The following NOL10 variants were observed in gnomAD, a reference collection of about 807,000 sequenced individuals.
NOL10 encodes the protein H_NH0074G24.1.
In NOL10, 58 loss-of-function variants were observed where a neutral mutation model predicts 103.5. The ratio of observed to expected loss-of-function variants is 0.56; its 90% CI spans 0.45 to 0.70. The LOEUF (loss-of-function observed/expected upper bound fraction) is 0.70. NOL10 is among the 30% of genes least tolerant of loss of function. The probability of loss-of-function intolerance (pLI) is 0.00; values close to 1 mark genes in which losing one functional copy is unlikely to be tolerated. For missense variants in NOL10, 763 were observed against 807.3 expected, an observed-to-expected ratio of 0.95 and a Z score of 0.67; for synonymous variants, 287 against 282.5, an observed-to-expected ratio of 1.02 and a Z score of -0.16.
At chr2:10,638,340 A>AACGTAACGTAACGTAACGTG (rs1553306427) in intron 13 of NOL10, among the ~76,000 whole-genome samples, 3 of 131,280 alleles carry the variant, frequency 2.3e-5, no homozygotes, top group African/African-American at 1.2e-4. Flanking sequence ...GACGTAACGT[A>AACGTAACGTAACGTAACGTG]ACGTAACGTA....
At chr2:10,582,876 T>C (rs73165947) in intron 19 of NOL10, among the ~76,000 whole-genome samples, 2,199 of 152,348 alleles carry the variant, frequency 0.014, 66 homozygotes, top group African/African-American at 0.05. Flanking sequence ...GTTATTGGCT[T>C]TCATCCCTTT....
intron 13 of NOL10, among the ~76,000 whole-genome samples, chr2:10,619,405 T>C (rs1286999896): frequency 6.6e-6 from 1 of 152,190 alleles, no homozygotes; most frequent in Non-Finnish European, 1.5e-5. Flanking sequence ...CCTCCCACCT[T>C]GGCCTACCAA....
chr2:10,614,892 A>G (rs1019858974), intron 13 of NOL10, among the ~76,000 whole-genome samples: 1 of 152,250 alleles, frequency 6.6e-6, no homozygotes, highest in Non-Finnish European at 1.5e-5. Flanking sequence ...GATTTTGCCA[A>G]TTAAGAAAAC....
chr2:10,655,120 C>G (rs1174894006), intron 11 of NOL10, among the ~76,000 whole-genome samples: 1 of 151,394 alleles, frequency 6.6e-6, no homozygotes, highest in Non-Finnish European at 1.5e-5. Flanking sequence ...TGAGGCAAAA[C>G]TGCTTGAACC....
chr2:10,627,132 T>C (rs1467771105), intron 13 of NOL10, among the ~76,000 whole-genome samples: 1 of 152,222 alleles, frequency 6.6e-6, no homozygotes, highest in African/African-American at 2.4e-5. Flanking sequence ...CACAAACAAC[T>C]TGTTTGTCTT....
At chr2:10,677,617 C>T (rs543238820) in intron 3 of NOL10, among the ~76,000 whole-genome samples, 8 of 151,480 alleles carry the variant, frequency 5.3e-5, no homozygotes, top group Non-Finnish European at 1.0e-4. Context: ...GACCAAGAGG[C>T]GCCTGCCATC....
intron 13 of NOL10, among the ~76,000 whole-genome samples, chr2:10,610,126 A>G (rs1478370477): frequency 6.6e-6 from 1 of 152,210 alleles, no homozygotes; most frequent in Middle Eastern, 3.2e-3. Flanking sequence ...TGAAAGTTAG[A>G]TCTATCTTGA....
intron 18 of NOL10, 134 bp downstream of exon 18, chr2:10,589,444 T>C: frequency 8.1e-7 from 1 of 1,228,462 alleles, no homozygotes; most frequent in Admixed American, 2.8e-5. Flanking sequence ...AAGATAATAC[T>C]CCTAAGCCCA....
chr2:10,629,887 A>G (rs1168442138), intron 13 of NOL10, among the ~76,000 whole-genome samples: 1 of 152,232 alleles, frequency 6.6e-6, no homozygotes, highest in Admixed American at 6.5e-5. Flanking sequence ...TGCCATAATT[A>G]TTATTCTTTT....
At chr2:10,623,696 T>C (rs1677278244) in intron 13 of NOL10, among the ~76,000 whole-genome samples, 1 of 152,074 alleles carries the variant, frequency 6.6e-6, no homozygotes, top group Non-Finnish European at 1.5e-5. Flanking sequence ...GTATAATAAA[T>C]GACCCAGCCC....
At chr2:10,613,191 C>T (rs1204457430) in intron 13 of NOL10, among the ~76,000 whole-genome samples, 2 of 151,850 alleles carry the variant, frequency 1.3e-5, no homozygotes, top group Non-Finnish European at 2.9e-5. Context: ...TATTATGTTC[C>T]AAGTACAGTA....
chr2:10,570,979 G>C lies in NOL10; in HGVS notation c.*1092C>G, dbSNP rs924375629. The C allele has an allele frequency of 6.6e-6, 1 of 151,816 alleles. No individual in the cohort carries two copies. Among genetic ancestry groups the C allele is most frequent in the Admixed American group, 6.6e-5 (1 of 15,246 alleles). 9.4% of individuals were successfully genotyped at this position (151,816 alleles called of 1,614,324 possible). A position where few individuals can be genotyped will look rare whatever the true frequency, so the allele number is the denominator to read the frequency against. ...GTCTTTTAGACTTTGGTTTTTTTGTGTGTTTTGGAATATCTGTATTATATT... is the reference window on the plus strand; with the variant it reads ...GTCTTTTAGACTTTGGTTTTTTTGTCTGTTTTGGAATATCTGTATTATATT... On this transcript the variant is annotated 3_prime_UTR_variant, in exon 21 of 21. Transcript: ENST00000381685.
chr2:10,688,371 C>T (rs758720446), intron 1 of NOL10, among the ~76,000 whole-genome samples: 2 of 152,198 alleles, frequency 1.3e-5, no homozygotes, highest in Non-Finnish European at 1.5e-5. Flanking sequence ...CCACCCTGCT[C>T]TCGCCCCCTC....
Position 10,676,527 on chromosome 2 carries a change from A to G in NOL10, c.212-656T>C, listed in dbSNP as rs140326208. On this transcript the variant is annotated intron_variant, in intron 3 of 20. Coordinates refer to ENST00000381685, the MANE Select transcript of NOL10 (RefSeq NM_024894.4). ...GTAACCATTGACATGGAAAGCTGCC[A>G]AAACGTACTATAAAGTAAAAGTACA... Among the ~76,000 whole-genome samples the G allele has an allele frequency of 9.8e-5, 15 of 152,346 alleles. No homozygotes were observed. The East Asian group carries it at 2.5e-3, about 25-fold the overall frequency.
intron 19 of NOL10, among the ~76,000 whole-genome samples, chr2:10,578,158 G>A (rs145658146): frequency 2.0e-5 from 3 of 152,062 alleles, no homozygotes; most frequent in African/African-American, 4.8e-5. Context: ...TGAGTAATTT[G>A]GCCACTCGTC....
At chr2:10,669,191 C>A (rs1266863241) in intron 6 of NOL10, among the ~76,000 whole-genome samples, 1 of 151,462 alleles carries the variant, frequency 6.6e-6, no homozygotes, top group Admixed American at 6.6e-5. Flanking sequence ...CTACACCCGG[C>A]TAATTTTTTG....
At chr2:10,607,750 T>TTTTTTTTTATTA (rs70953321) in intron 13 of NOL10, among the ~76,000 whole-genome samples, 4 of 144,726 alleles carry the variant, frequency 2.8e-5, no homozygotes, top group Non-Finnish European at 3.0e-5. Context: ...AAAAACAATA[T>TTTTTTTTTATTA]TTATTATTAT....
intron 2 of NOL10, among the ~76,000 whole-genome samples, chr2:10,684,142 C>G (rs1445939479): frequency 6.6e-6 from 1 of 151,694 alleles, no homozygotes; most frequent in Admixed American, 6.6e-5. Context: ...ATTAGCCGGG[C>G]GTGGTGGCTT....
intron 14 of NOL10, 51 bp from the exon 15 acceptor site, chr2:10,603,208 C>T (rs1339528708): frequency 1.9e-5 from 25 of 1,332,562 alleles, no homozygotes; most frequent in South Asian, 1.2e-4. Context: ...TCTTCATTAA[C>T]ATTCAACAGT....
Sources: allele counts gnomAD v4.1 joint callset (sites outside exome capture counted in the v4.1 genomes callset), GRCh38; gene constraint gnomAD v4.1.1; transcripts MANE v1.5; gene names NCBI Gene and HGNC (gene_info 2026-07-23, HGNC 2026-07-21).